SGIP1: variants seen among roughly 807,000 people sequenced by gnomAD.
SGIP1 encodes SH3GL interacting endocytic adaptor 1.
A neutral mutation model predicts 107.5 loss-of-function variants in SGIP1; 38 were observed. The ratio of observed to expected loss-of-function variants is 0.35; its 90% CI spans 0.27 to 0.46. SGIP1 has a LOEUF of 0.46. Ranked by LOEUF, SGIP1 falls within the 20% of genes least tolerant of loss-of-function variation. The probability of loss-of-function intolerance (pLI) is 1.00; values close to 1 mark genes in which losing one functional copy is unlikely to be tolerated. For missense variants in SGIP1, 929 were observed against 1,019.5 expected (o/e 0.91, Z 1.21); for synonymous variants, 365 against 366.1 (o/e 1.00, Z 0.03).
intron 1 of SGIP1, among the ~76,000 whole-genome samples, chr1:66,562,147 C>T (rs984434618): frequency 1.3e-5 from 2 of 151,886 alleles, no homozygotes; most frequent in Admixed American, 6.6e-5. Context: ...TGAGCACCTC[C>T]TATGTGCTAA....
intron 1 of SGIP1, among the ~76,000 whole-genome samples, chr1:66,554,833 G>A (rs72670235): frequency 0.13 from 19,029 of 151,970 alleles, 1,334 homozygotes; most frequent in South Asian, 0.17. Context: ...TGGAAATATC[G>A]TTCCAACTTT....
chr1:66,730,497 T>C, intron 20 of SGIP1, among the ~76,000 whole-genome samples: 1 of 152,192 alleles, frequency 6.6e-6, no homozygotes, highest in East Asian at 1.9e-4. Flanking sequence ...TTTTCTTTAC[T>C]GCCACCTCCC....
Position 66,735,548 on chromosome 1 carries a change from C to T in SGIP1, c.2031+1668C>T, listed in dbSNP as rs1224824072. On this transcript the variant is annotated intron_variant, in intron 21 of 24. Coordinates refer to ENST00000371037, the MANE Select transcript of SGIP1 (RefSeq NM_032291.4). Reference sequence around the variant, plus strand: ...AGAGTGAGATCGTGTGGGCCGGGCGCGGTGGCTCACGCCTGTAATCCCAGC... The same window carrying T: ...AGAGTGAGATCGTGTGGGCCGGGCGTGGTGGCTCACGCCTGTAATCCCAGC... 1.2e-3 allele frequency among the ~76,000 whole-genome samples: 20 copies of T among 16,280 alleles called. 8 individuals are homozygous for T. The highest frequency in any genetic ancestry group is 2.8e-3 in the Non-Finnish European group (16 of 5,626). The allele number at this position is 16,280 out of a possible 152,430, so 10.7% of individuals were successfully genotyped here.
chr1:66,743,210 A>C lies in SGIP1; in HGVS notation c.*115A>C. On this transcript the variant is annotated 3_prime_UTR_variant, in exon 25 of 25. Transcript: ENST00000371037. ...CCAATATCTGCACTTGGGATATATC[A>C]GGTGGAAAGTCAATGACTTTCATCT... The C allele has an allele frequency of 1.9e-6, 2 of 1,042,360 alleles. No individual in the cohort carries two copies. The highest frequency in any genetic ancestry group is 2.9e-6 in the Non-Finnish European group (2 of 694,008). 64.6% of individuals were successfully genotyped at this position (1,042,360 alleles called of 1,614,324 possible). A position where few individuals can be genotyped will look rare whatever the true frequency, so the allele number is the denominator to read the frequency against.
At chr1:66,658,116 T>A (rs904364264) in intron 7 of SGIP1, among the ~76,000 whole-genome samples, 1 of 152,184 alleles carries the variant, frequency 6.6e-6, no homozygotes, top group African/African-American at 2.4e-5. Context: ...ATCATTTGTG[T>A]GTTCATGTTT....
chr1:66,631,652 GCTCT>G (rs1203758991), intron 2 of SGIP1, among the ~76,000 whole-genome samples: 2 of 143,410 alleles, frequency 1.4e-5, no homozygotes, highest in African/African-American at 5.3e-5. Context: ...TCTCTGCATT[GCTCT>G]CTCTCTCTCT....
At chr1:66,648,373 A>T (rs138803160) in intron 7 of SGIP1, among the ~76,000 whole-genome samples, 177 of 138,680 alleles carry the variant, frequency 1.3e-3, no homozygotes, top group African/African-American at 4.6e-3. Context: ...ATTGCCATTC[A>T]ATTAATGCTT....
intron 8 of SGIP1, among the ~76,000 whole-genome samples, chr1:66,663,069 T>TA (rs35240202): frequency 0.13 from 19,794 of 148,610 alleles, 1,344 homozygotes; most frequent in Admixed American, 0.18. Context: ...CATTTCAAAT[T>TA]AAAAAAAAAA....
chr1:66,539,601 C>T (rs1406325087), intron 1 of SGIP1, among the ~76,000 whole-genome samples: 1 of 152,198 alleles, frequency 6.6e-6, no homozygotes, highest in Non-Finnish European at 1.5e-5. Context: ...ATGCTCTGGC[C>T]TGCTGTGCCT....
intron 9 of SGIP1, 56 bp downstream of exon 9, chr1:66,667,597 G>A: frequency 1.3e-6 from 2 of 1,555,186 alleles, no homozygotes; most frequent in Admixed American, 1.7e-5. Flanking sequence ...TGCTGCCAAG[G>A]CAAGGTGGCC....
chr1:66,612,624 A>G (rs912492787), intron 1 of SGIP1, among the ~76,000 whole-genome samples: 3 of 152,228 alleles, frequency 2.0e-5, no homozygotes. Flanking sequence ...GTATATATCC[A>G]AACCCATTTT....
At chr1:66,728,393 G>C (rs2093856020) in intron 19 of SGIP1, among the ~76,000 whole-genome samples, 1 of 152,166 alleles carries the variant, frequency 6.6e-6, no homozygotes, top group Non-Finnish European at 1.5e-5. Flanking sequence ...AAAGAGAAAA[G>C]CTGTACTTTT....
At chr1:66,698,810 A>G (rs1426647908) in intron 18 of SGIP1, among the ~76,000 whole-genome samples, 1 of 152,036 alleles carries the variant, frequency 6.6e-6, no homozygotes, top group Non-Finnish European at 1.5e-5. Flanking sequence ...TATTTGAGCA[A>G]TTCCCTAGAG....
chr1:66,548,120 G>A (rs1447797862), intron 1 of SGIP1, among the ~76,000 whole-genome samples: 4 of 152,250 alleles, frequency 2.6e-5, no homozygotes, highest in Admixed American at 1.3e-4. Context: ...GAAAGCCACC[G>A]GAGAGGGTGA....
intron 19 of SGIP1, among the ~76,000 whole-genome samples, chr1:66,727,035 T>A (rs1227817713): frequency 6.6e-6 from 1 of 152,128 alleles, no homozygotes; most frequent in Non-Finnish European, 1.5e-5. Context: ...ATTTCTTAAA[T>A]AAGACACCGA....
rs189200005 is a variant in SGIP1, at chr1:66,749,540, T to G, written c.*6445T>G. ...TAACGAAGTTTCTTTAAAAACTTCCTGGTTAAATTGTCTGTTATCATATAG... is the reference window on the plus strand; with the variant it reads ...TAACGAAGTTTCTTTAAAAACTTCCGGGTTAAATTGTCTGTTATCATATAG... On this transcript the variant is annotated 3_prime_UTR_variant, in exon 25 of 25. Transcript: ENST00000371037. Among the ~76,000 whole-genome samples, 1 of 151,994 alleles carries G rather than the reference T, an allele frequency of 6.6e-6. No homozygotes were observed. The highest frequency in any genetic ancestry group is 1.5e-5 in the Non-Finnish European group (1 of 67,924).
At chr1:66,581,335 A>G (rs959707634) in intron 1 of SGIP1, among the ~76,000 whole-genome samples, 1 of 152,044 alleles carries the variant, frequency 6.6e-6, no homozygotes, top group Non-Finnish European at 1.5e-5. Flanking sequence ...CTTTTCTTGT[A>G]TGTAAATAGG....
chr1:66,534,894 G>C (rs577986541), intron 1 of SGIP1, among the ~76,000 whole-genome samples: 2 of 152,212 alleles, frequency 1.3e-5, no homozygotes, highest in Admixed American at 6.5e-5. Context: ...AGCAAATTTG[G>C]TCCATAAACT....
chr1:66,608,627 A>G (rs908199171), intron 1 of SGIP1, among the ~76,000 whole-genome samples: 3 of 152,176 alleles, frequency 2.0e-5, no homozygotes, highest in South Asian at 2.1e-4. Context: ...TCTGAAGTAT[A>G]TGATGTTTCA....
Sources: gnomAD v4.1 joint callset for allele counts (sites outside exome capture counted in the v4.1 genomes callset) on GRCh38, gnomAD v4.1.1 for gene constraint, MANE v1.5 for transcripts, NCBI Gene and HGNC (gene_info 2026-07-23, HGNC 2026-07-21) for gene names.